Variants in TP63 observed in about 807,000 individuals in gnomAD.
The protein encoded by TP63 is tumor protein 63.
Under a neutral mutation model 82.8 loss-of-function variants are expected in TP63, and 17 were observed. That is an observed-to-expected ratio of 0.21 (90% CI 0.14 to 0.31). The LOEUF (loss-of-function observed/expected upper bound fraction) is 0.31. Among genes scored for constraint, TP63 ranks in the 10% least tolerant of loss-of-function variants. The pLI is 1.00. For synonymous variants in TP63, 330 were observed against 321.7 expected (o/e 1.03, Z -0.28); for missense variants, 648 against 895.3 (o/e 0.72, Z 3.52).
At chr3:189,859,737 C>T (rs1272041793) in intron 4 of TP63, among the ~76,000 whole-genome samples, 3 of 151,922 alleles carry the variant, frequency 2.0e-5, no homozygotes, top group African/African-American at 7.3e-5. Flanking sequence ...TGTACATGAA[C>T]GTTCATAATA....
Position 189,817,169 on chromosome 3 carries a change from G to C in TP63, c.579+8643G>C, listed in dbSNP as rs899180058. ...ATGCCTAAGTTTTTATTTTTGTTTTGCTTCATGTGCTGTTCAGCCAGTATC... is the reference window on the plus strand; with the variant it reads ...ATGCCTAAGTTTTTATTTTTGTTTTCCTTCATGTGCTGTTCAGCCAGTATC... On this transcript the variant is annotated intron_variant, in intron 4 of 13. Transcript: ENST00000264731. Among the ~76,000 whole-genome samples, 5 of 151,914 alleles carry C rather than the reference G, an allele frequency of 3.3e-5. 1 individual carries two copies. Among genetic ancestry groups the C allele is most frequent in the African/African-American group, 9.7e-5 (4 of 41,360 alleles).
rs531934316 is a variant in TP63 at position 189,878,164 on chromosome 3, CA to C, written c.1349+5170del. Among the ~76,000 whole-genome samples the C allele has an allele frequency of 4.6e-5, 7 of 152,142 alleles. No individual in the cohort carries two copies. In the South Asian group the frequency reaches 1.5e-3, roughly 32 times the overall value. On this transcript the variant is annotated intron_variant, in intron 10 of 13. Coordinates refer to ENST00000264731, the MANE Select transcript of TP63 (RefSeq NM_003722.5). ...TTCATGTATCTGAGGGAGAAGCAGG[CA>C]GTATTTTCAGTATTATCAATGTAGA... is the stretch of plus-strand genomic sequence containing the variant.
At chr3:189,597,472 G>A in the TP63 span, among the ~76,000 whole-genome samples, 2 of 152,162 alleles carry the variant, frequency 1.3e-5, no homozygotes, top group African/African-American at 4.8e-5. Flanking sequence ...ATATTATGTA[G>A]AATCTCAAAG....
intron 4 of TP63, among the ~76,000 whole-genome samples, chr3:189,850,424 T>C (rs554770807): frequency 6.6e-6 from 1 of 152,260 alleles, no homozygotes; most frequent in African/African-American, 2.4e-5. Context: ...AAATAAAATA[T>C]AAAGCAAAAA....
the TP63 span, among the ~76,000 whole-genome samples, chr3:189,616,537 T>C: frequency 2.0e-5 from 3 of 152,314 alleles, no homozygotes; most frequent in Middle Eastern, 3.4e-3. Flanking sequence ...CATCCAGTCT[T>C]AGAAGTGAAG....
rs145613405 is a variant in TP63 at position 189,633,516 on chromosome 3, A to T, written c.62+1939A>T. Among the ~76,000 whole-genome samples, 797 of 152,250 alleles carry T rather than the reference A, an allele frequency of 5.2e-3. 10 individuals are homozygous for T. The highest frequency in any genetic ancestry group is 0.018 in the African/African-American group (730 of 41,554). ...CTGCTCCTGTGTTAGTTTGCTAAGG[A>T]TAATGGCCTCCGGCTCCATCCAAGT... On this transcript the variant is annotated intron_variant, in intron 1 of 13. Coordinates refer to ENST00000264731, the MANE Select transcript of TP63 (RefSeq NM_003722.5).
chr3:189,800,112 C>T (rs546595668), intron 3 of TP63, among the ~76,000 whole-genome samples: 1 of 152,054 alleles, frequency 6.6e-6, no homozygotes, highest in Non-Finnish European at 1.5e-5. Flanking sequence ...AATAATCTGT[C>T]TGAACAGTCA....
At chr3:189,803,746 CA>C (rs1417232510) in intron 3 of TP63, among the ~76,000 whole-genome samples, 1 of 152,152 alleles carries the variant, frequency 6.6e-6, no homozygotes, top group East Asian at 1.9e-4. Flanking sequence ...AGGGTCCAAA[CA>C]GTGATTCTTC....
At chr3:189,700,314 G>A (rs1717705083) in intron 1 of TP63, among the ~76,000 whole-genome samples, 1 of 152,108 alleles carries the variant, frequency 6.6e-6, no homozygotes, top group Non-Finnish European at 1.5e-5. Flanking sequence ...TGAAAAAAAT[G>A]GTGCCATCAT....
At chr3:189,771,741 C>G (rs1368972094) in intron 3 of TP63, among the ~76,000 whole-genome samples, 1 of 151,862 alleles carries the variant, frequency 6.6e-6, no homozygotes, top group Non-Finnish European at 1.5e-5. Flanking sequence ...GATCTTGGCT[C>G]TCATTTGGAT....
chr3:189,794,667 TGAGAG>T (rs543052945), intron 3 of TP63, among the ~76,000 whole-genome samples: 1 of 151,966 alleles, frequency 6.6e-6, no homozygotes, highest in Non-Finnish European at 1.5e-5. Flanking sequence ...ACCATAACAC[TGAGAG>T]GAGAGTACAT....
At chr3:189,601,887 T>C in the TP63 span, among the ~76,000 whole-genome samples, 20 of 152,238 alleles carry the variant, frequency 1.3e-4, no homozygotes, top group East Asian at 3.7e-3. Context: ...GAAGATGGGA[T>C]TGGAAAGAGA....
intron 1 of TP63, among the ~76,000 whole-genome samples, chr3:189,711,019 T>C (rs1160515601): frequency 6.6e-6 from 1 of 152,200 alleles, no homozygotes; most frequent in Non-Finnish European, 1.5e-5. Context: ...TCAATTATAA[T>C]GCCTCTCTGT....
intron 3 of TP63, among the ~76,000 whole-genome samples, chr3:189,787,791 C>A (rs1315131291): frequency 6.6e-6 from 1 of 152,016 alleles, no homozygotes; most frequent in South Asian, 2.1e-4. Context: ...TCCTCTAGAT[C>A]ATTGATTCCC....
chr3:189,698,288 G>T (rs1035467457), intron 1 of TP63, among the ~76,000 whole-genome samples: 1 of 151,902 alleles, frequency 6.6e-6, no homozygotes, highest in African/African-American at 2.4e-5. Context: ...CAATTAATAA[G>T]ATCCTATTTA....
chr3:189,848,236 TCCTTCTCTC>T (rs1296398262), intron 4 of TP63, among the ~76,000 whole-genome samples: 1 of 135,140 alleles, frequency 7.4e-6, no homozygotes, highest in African/African-American at 3.0e-5. Context: ...CTCCTCCTCC[TCCTTCTCTC>T]TCTCTCTCTC....
intron 4 of TP63, among the ~76,000 whole-genome samples, chr3:189,832,642 G>T (rs536670462): frequency 6.6e-6 from 1 of 152,248 alleles, no homozygotes; most frequent in African/African-American, 2.4e-5. Context: ...GGCCACTGAT[G>T]ACCAACTCCA....
chr3:189,602,035 T>C, the TP63 span, among the ~76,000 whole-genome samples: 2 of 152,124 alleles, frequency 1.3e-5, no homozygotes, highest in Admixed American at 6.5e-5. Flanking sequence ...TATCTCTAGG[T>C]GTGTGTGGCT....
At chr3:189,867,459 G>C (rs1717870796) in intron 6 of TP63, among the ~76,000 whole-genome samples, 1 of 152,196 alleles carries the variant, frequency 6.6e-6, no homozygotes, top group African/African-American at 2.4e-5. Flanking sequence ...TCCACACAGG[G>C]AAAATATTCT....
Sources: gnomAD v4.1 joint callset for allele counts (sites outside exome capture counted in the v4.1 genomes callset) on GRCh38, gnomAD v4.1.1 for gene constraint, MANE v1.5 for transcripts, NCBI Gene and HGNC (gene_info 2026-07-23, HGNC 2026-07-21) for gene names.